DCDC1: variants seen among roughly 807,000 people sequenced by gnomAD.
DCDC1 encodes the protein doublecortin domain-containing protein 1.
A neutral mutation model predicts 178.3 loss-of-function variants in DCDC1; 200 were observed. That is an observed-to-expected ratio of 1.12 (90% CI 1.00 to 1.26). The LOEUF is 1.26. Ranked by LOEUF, DCDC1 falls within the 50% of genes most tolerant of loss-of-function variation. DCDC1 has a pLI of 0.00. For synonymous variants in DCDC1, 690 were observed against 604.8 expected (o/e 1.14, Z -2.07); for missense variants, 1,983 against 1,749.2 (o/e 1.13, Z -2.38).
intron 21 of DCDC1, among the ~76,000 whole-genome samples, chr11:30,939,840 A>C (rs897221859): frequency 6.6e-6 from 1 of 152,064 alleles, no homozygotes; most frequent in African/African-American, 2.4e-5. Context: ...TTATATTCTG[A>C]AATATTTGTT....
intron 11 of DCDC1, among the ~76,000 whole-genome samples, chr11:31,119,657 A>C (rs1280556059): frequency 6.6e-6 from 1 of 152,200 alleles, no homozygotes; most frequent in Admixed American, 6.5e-5. Flanking sequence ...ATTAATACAA[A>C]TGAATGATTG....
At chr11:31,271,063 A>G (rs1380837205) in intron 7 of DCDC1, among the ~76,000 whole-genome samples, 4 of 152,080 alleles carry the variant, frequency 2.6e-5, no homozygotes, top group Admixed American at 1.3e-4. Context: ...AGTATTTCCA[A>G]CCATCTCTAA....
At chr11:31,226,369 TATTTTAAGAC>T (rs1335237542) in intron 9 of DCDC1, among the ~76,000 whole-genome samples, 1 of 151,994 alleles carries the variant, frequency 6.6e-6, no homozygotes, top group Non-Finnish European at 1.5e-5. Context: ...ATAGAAAAAG[TATTTTAAGAC>T]ATAAAGGCCA....
At chr11:30,873,398 A>T (rs1941816233) in intron 38 of DCDC1, among the ~76,000 whole-genome samples, 1 of 149,546 alleles carries the variant, frequency 6.7e-6, no homozygotes, top group Non-Finnish European at 1.5e-5. Context: ...ACAAACTGGT[A>T]TATACATGAA....
Position 30,906,533 on chromosome 11 carries a change from T to A in DCDC1, c.4104+7A>T, listed in dbSNP as rs1282745072. Reference sequence around the variant, plus strand: ...CATGCATTAGCAGAGCTCAGATCATTACATACCTCAGCCACACTGATGACC... The same window carrying A: ...CATGCATTAGCAGAGCTCAGATCATAACATACCTCAGCCACACTGATGACC... On this transcript the variant is annotated splice_region_variant and intron_variant, in intron 30 of 38. Coordinates refer to ENST00000684477, the MANE Select transcript of DCDC1 (RefSeq NM_001387274.1). The A allele has an allele frequency of 7.4e-6, 12 of 1,611,434 alleles. No individual in the cohort carries two copies. The highest frequency in any genetic ancestry group is 1.0e-5 in the Non-Finnish European group (12 of 1,178,772).
chr11:30,974,199 G>A (rs914382552), intron 20 of DCDC1, among the ~76,000 whole-genome samples: 1 of 149,810 alleles, frequency 6.7e-6, no homozygotes, highest in Non-Finnish European at 1.5e-5. Flanking sequence ...AAACCAAAAC[G>A]CAACACACCA....
At chr11:31,281,393 T>G (rs1177920181) in intron 7 of DCDC1, among the ~76,000 whole-genome samples, 1 of 152,156 alleles carries the variant, frequency 6.6e-6, no homozygotes, top group Non-Finnish European at 1.5e-5. Context: ...TTAGTAGACA[T>G]TCTTGACCAG....
intron 21 of DCDC1, among the ~76,000 whole-genome samples, chr11:30,949,937 G>A (rs904897904): frequency 2.0e-5 from 3 of 152,054 alleles, no homozygotes; most frequent in Non-Finnish European, 2.9e-5. Context: ...AAACCACCAC[G>A]GCAAGTGTAT....
intron 38 of DCDC1, 136 bp downstream of exon 38, chr11:30,878,408 T>G (rs2133959809): frequency 2.6e-6 from 2 of 769,788 alleles, no homozygotes. Context: ...AAGCTGTGAT[T>G]GTGCCACTAC....
intron 2 of DCDC1, among the ~76,000 whole-genome samples, chr11:31,333,512 G>A (rs1020359394): frequency 1.3e-5 from 2 of 152,158 alleles, no homozygotes; most frequent in Non-Finnish European, 2.9e-5. Context: ...TGCAGTGGCT[G>A]GTACTGGTTG....
At chr11:31,087,224 G>T (rs1565265575) in intron 17 of DCDC1, among the ~76,000 whole-genome samples, 1 of 151,960 alleles carries the variant, frequency 6.6e-6, no homozygotes, top group Non-Finnish European at 1.5e-5. Context: ...ATCTCTCATT[G>T]CTGATACAGG....
chr11:30,933,322 G>A (rs1947060910), intron 21 of DCDC1, among the ~76,000 whole-genome samples: 1 of 151,590 alleles, frequency 6.6e-6, no homozygotes, highest in Non-Finnish European at 1.5e-5. Context: ...GGATATAAGT[G>A]CTCTATATTA....
intron 8 of DCDC1, among the ~76,000 whole-genome samples, chr11:31,244,387 A>G (rs1176568896): frequency 1.3e-5 from 2 of 151,700 alleles, no homozygotes; most frequent in South Asian, 2.1e-4. Flanking sequence ...CTTCTCTTTT[A>G]TGTAGAGTTC....
At chr11:30,947,942 G>C (rs903363627) in intron 21 of DCDC1, among the ~76,000 whole-genome samples, 3 of 152,010 alleles carry the variant, frequency 2.0e-5, no homozygotes, top group African/African-American at 7.2e-5. Context: ...AAACTGGCAT[G>C]AGACAAGTAT....
chr11:31,058,906 C>G (rs544242546), intron 20 of DCDC1, among the ~76,000 whole-genome samples: 2 of 152,148 alleles, frequency 1.3e-5, no homozygotes, highest in East Asian at 3.9e-4. Context: ...ATTATCCAAT[C>G]CAGAAATCAT....
At chr11:30,938,864 C>T (rs190910847) in intron 21 of DCDC1, among the ~76,000 whole-genome samples, 1 of 152,292 alleles carries the variant, frequency 6.6e-6, no homozygotes, top group Non-Finnish European at 1.5e-5. Flanking sequence ...TTGGCTCCCT[C>T]CTTCCTTTGT....
intron 20 of DCDC1, among the ~76,000 whole-genome samples, chr11:31,060,043 G>C (rs1462478339): frequency 6.6e-6 from 1 of 151,802 alleles, no homozygotes; most frequent in Admixed American, 6.6e-5. Context: ...AAAGAACCTT[G>C]AATAAAGAAA....
intron 20 of DCDC1, among the ~76,000 whole-genome samples, chr11:30,993,959 A>G (rs909675367): frequency 6.6e-6 from 1 of 152,170 alleles, no homozygotes; most frequent in African/African-American, 2.4e-5. Flanking sequence ...ACGAGCCAGC[A>G]TTATCCCAAT....
At chr11:31,108,692 A>G (rs1230661045) in intron 12 of DCDC1, among the ~76,000 whole-genome samples, 2 of 152,268 alleles carry the variant, frequency 1.3e-5, no homozygotes, top group Admixed American at 6.5e-5. Context: ...TGCAATCTCT[A>G]TTTTCTCAAG....
Sources: allele counts gnomAD v4.1 joint callset (sites outside exome capture counted in the v4.1 genomes callset), GRCh38; gene constraint gnomAD v4.1.1; transcripts MANE v1.5; gene names NCBI Gene and HGNC (gene_info 2026-07-23, HGNC 2026-07-21).